SYNE2: variants seen among roughly 807,000 people sequenced by gnomAD.
The protein encoded by SYNE2 is nesprin-2.
A neutral mutation model predicts 856.3 loss-of-function variants in SYNE2; 431 were observed. The observed-to-expected ratio is 0.50, with a 90% CI of 0.47 to 0.55. The LOEUF is 0.55. Among genes scored for constraint, SYNE2 ranks in the 20% least tolerant of loss-of-function variants. The pLI, the probability that SYNE2 is intolerant of heterozygous loss-of-function variation, is 0.00. For synonymous variants in SYNE2, 2,923 were observed against 2,872.3 expected (o/e 1.02, Z -0.56); for missense variants, 8,129 against 8,023.2 (o/e 1.01, Z -0.50).
chr14:63,806,688 G>A (rs112517162), intron 1 of SYNE2, among the ~76,000 whole-genome samples: 9 of 152,110 alleles, frequency 5.9e-5, no homozygotes, highest in African/African-American at 2.2e-4. Flanking sequence ...TAGTTTTTGA[G>A]GGCTTTTTGT....
At chr14:63,890,311 C>T (rs1346282493) in intron 1 of SYNE2, among the ~76,000 whole-genome samples, 1 of 152,074 alleles carries the variant, frequency 6.6e-6, no homozygotes, top group East Asian at 1.9e-4. Context: ...GATCCACCTG[C>T]CTCAGCCTCC....
intron 96 of SYNE2, among the ~76,000 whole-genome samples, chr14:64,183,029 C>CA: frequency 6.8e-6 from 1 of 146,376 alleles, no homozygotes; most frequent in African/African-American, 2.6e-5. Context: ...GCCCCCGCCT[C>CA]CCTCCCGGAC....
At chr14:63,924,839 T>G (rs1042346688) in intron 2 of SYNE2, among the ~76,000 whole-genome samples, 2 of 66,312 alleles carry the variant, frequency 3.0e-5, no homozygotes, top group Non-Finnish European at 4.1e-5. Context: ...TTGGTGTTTT[T>G]TTTTTTTTTT....
At chr14:63,978,408 C>G (rs1054070125) in intron 13 of SYNE2, among the ~76,000 whole-genome samples, 1 of 152,098 alleles carries the variant, frequency 6.6e-6, no homozygotes, top group Non-Finnish European at 1.5e-5. Context: ...CTGTAAAATA[C>G]TACAAATATT....
At chr14:63,778,184 G>A (rs534488342) in intron 1 of SYNE2, among the ~76,000 whole-genome samples, 10 of 152,132 alleles carry the variant, frequency 6.6e-5, no homozygotes, top group African/African-American at 9.7e-5. Context: ...GAGTTCTCAC[G>A]AGATCTGGTG....
chr14:63,992,206 G>A (rs947000856), intron 21 of SYNE2, among the ~76,000 whole-genome samples: 2 of 151,742 alleles, frequency 1.3e-5, no homozygotes, highest in Admixed American at 1.3e-4. Context: ...CTGGATTCTA[G>A]GTGGGTAGAG....
In SYNE2 at chr14:63,869,352, A is replaced by T. The variant is rs188269199; in HGVS notation, c.-52+16209A>T. Among the ~76,000 whole-genome samples the T allele has an allele frequency of 2.6e-5, 4 of 152,250 alleles. No homozygotes were observed. In the East Asian group the frequency reaches 7.7e-4, roughly 29 times the overall value. ...TTAAAAATACTATTTCCAGCCAGGC[A>T]TGGTGGCTCATGTCTGTAATCCCAG... is the stretch of plus-strand genomic sequence containing the variant. On this transcript the variant is annotated intron_variant, in intron 1 of 115. Transcript: ENST00000555002.
chr14:63,801,190 C>T (rs1888114620), intron 1 of SYNE2, among the ~76,000 whole-genome samples: 1 of 152,016 alleles, frequency 6.6e-6, no homozygotes, highest in Non-Finnish European at 1.5e-5. Context: ...ACACATGCTA[C>T]ACAGAGAGCA....
chr14:64,187,382 T>C (rs755635429), intron 97 of SYNE2, among the ~76,000 whole-genome samples: 6 of 152,228 alleles, frequency 3.9e-5, no homozygotes, highest in South Asian at 2.1e-4. Context: ...TTTTCAATTT[T>C]TATACAAAAG....
chr14:63,979,603 C>T lies in SYNE2; in HGVS notation c.1569+589C>T, dbSNP rs908750694. Among the ~76,000 whole-genome samples, 21 of 152,290 alleles carry T rather than the reference C, an allele frequency of 1.4e-4. 1 individual carries two copies. The South Asian group carries it at 3.9e-3, about 29-fold the overall frequency. ...TTAGACTTTGTCCTTCTTTTTGTTT[C>T]CCTCCTTTTAGAGATGAGGTGGGGT... is the stretch of plus-strand genomic sequence containing the variant. On this transcript the variant is annotated intron_variant, in intron 14 of 115. Transcript: ENST00000555002.
chr14:64,192,335 C>G (rs962376728), intron 99 of SYNE2, among the ~76,000 whole-genome samples: 3 of 151,966 alleles, frequency 2.0e-5, no homozygotes, highest in African/African-American at 7.2e-5. Flanking sequence ...GGCATCAAAC[C>G]CATTCATGGA....
chr14:64,068,317 A>G (rs1328722766), intron 51 of SYNE2, among the ~76,000 whole-genome samples: 2 of 152,126 alleles, frequency 1.3e-5, no homozygotes, highest in Non-Finnish European at 2.9e-5. Context: ...CCCTGGAACC[A>G]TTAATCTGTT....
In SYNE2 at chr14:64,025,144, C is replaced by T; in HGVS notation, c.5975C>T (p.Ser1992Phe). ...GGAATTTACAGGGAACAGTTTGAAT[C>T]TGTGGCCCAATTGAACAACTCTTTG... ...ALARKREQFE[S>F]VAQLNNSLKE... Residue 1992 changes from serine (S) to phenylalanine (F), a missense_variant, in exon 41 of 116, where the codon TCT becomes TTT. Physicochemically the swap from Ser to Phe is radical, Grantham distance 155 (BLOSUM62 -2). This residue lies in a region of SYNE2 where 2,422 missense variants were observed against 2,357.4 expected (regional missense o/e 1.03). Transcript: ENST00000555002. 1.9e-6 allele frequency: 3 copies of T among 1,614,044 alleles called. No individual in the cohort carries two copies. Among genetic ancestry groups the T allele is most frequent in the Non-Finnish European group, 2.5e-6 (3 of 1,179,976 alleles).
intron 45 of SYNE2, among the ~76,000 whole-genome samples, chr14:64,038,322 A>T (rs1295022696): frequency 7.0e-6 from 1 of 143,872 alleles, no homozygotes; most frequent in East Asian, 2.1e-4. Flanking sequence ...CCTAGATGAG[A>T]TGGCGGCCGG....
chr14:64,190,289 A>T, intron 99 of SYNE2, 52 bp downstream of exon 99: 2 of 1,607,376 alleles, frequency 1.2e-6, no homozygotes, highest in Non-Finnish European at 1.7e-6. Flanking sequence ...ATTACTTTAC[A>T]GATCTAGTAA....
intron 1 of SYNE2, among the ~76,000 whole-genome samples, chr14:63,773,262 C>T (rs1399829280): frequency 1.3e-5 from 2 of 152,046 alleles, no homozygotes; most frequent in African/African-American, 2.4e-5. Flanking sequence ...TGCAGTGGCT[C>T]AATCACGGCT....
intron 83 of SYNE2, among the ~76,000 whole-genome samples, chr14:64,145,652 T>C (rs1044238634): frequency 1.3e-5 from 2 of 152,208 alleles, no homozygotes; most frequent in South Asian, 4.1e-4. Context: ...ACAATGATTA[T>C]TTTATTGAAT....
chr14:63,980,899 G>A (rs1212020621), intron 15 of SYNE2, 87 bp from the exon 16 acceptor site: 11 of 1,103,594 alleles, frequency 1.0e-5, no homozygotes, highest in Admixed American at 2.2e-5. Context: ...TTATTTTGCC[G>A]CTGTCAATTA....
rs201538331 is a variant in SYNE2, at chr14:64,225,326, G to C, written c.20524G>C (p.Gly6842Arg). Residue 6842 changes from glycine to arginine, a missense_variant, in exon 116 of 116, where the codon GGC (glycine) becomes CGC (arginine). By Grantham distance (125) the Gly-to-Arg change is moderately radical. This residue lies in a region of SYNE2 where 5,410 missense variants were observed against 5,284.8 expected (regional missense o/e 1.02). Transcript: ENST00000555002. ...GEEETESRVP[G>R]STRPQRSFLS... ...AACCTCCTCTGTTGGCAGGGTCCCC[G>C]GCAGCACACGGCCACAGCGCTCCTT... is the stretch of plus-strand genomic sequence containing the variant. The C allele has an allele frequency of 8.3e-5, 134 of 1,614,064 alleles. No homozygotes were observed. Among genetic ancestry groups the C allele is most frequent in the Non-Finnish European group, 1.1e-4 (126 of 1,180,012 alleles).
Sources: gnomAD v4.1 joint callset for allele counts (sites outside exome capture counted in the v4.1 genomes callset) on GRCh38, gnomAD v4.1.1 for gene constraint, gnomAD v4.1.1 regional missense constraint, MANE v1.5 for transcripts, NCBI Gene and HGNC (gene_info 2026-07-23, HGNC 2026-07-21) for gene names.